The following THSD7B variants were observed in gnomAD, a reference collection of about 807,000 sequenced individuals.
The protein encoded by THSD7B is thrombospondin type 1 domain containing 7B.
THSD7B carries 138 observed loss-of-function variants against 213.6 expected under a neutral mutation model. That is an observed-to-expected ratio of 0.65 (90% CI 0.56 to 0.74). The LOEUF (loss-of-function observed/expected upper bound fraction) is 0.74, where lower values mean the gene tolerates loss of function less well. Ranked by LOEUF, THSD7B falls within the 30% of genes least tolerant of loss-of-function variation. THSD7B has a pLI of 0.00. For synonymous variants in THSD7B, 742 were observed against 687.0 expected, an observed-to-expected ratio of 1.08 and a Z score of -1.25; for missense variants, 1,931 against 1,991.5, an observed-to-expected ratio of 0.97 and a Z score of 0.58.
chr2:136,828,342 A>C (rs1478837425), intron 1 of THSD7B, among the ~76,000 whole-genome samples: 1 of 151,602 alleles, frequency 6.6e-6, no homozygotes, highest in Non-Finnish European at 1.5e-5. Flanking sequence ...TCTTTCCTAC[A>C]CCCATATCCG....
chr2:137,334,868 A>G (rs1480756866), intron 12 of THSD7B, among the ~76,000 whole-genome samples: 1 of 152,140 alleles, frequency 6.6e-6, no homozygotes, highest in African/African-American at 2.4e-5. Context: ...TTATGGGAGC[A>G]GTTCCCCCAT....
chr2:136,898,087 C>A (rs1000052053), intron 2 of THSD7B, among the ~76,000 whole-genome samples: 1 of 152,224 alleles, frequency 6.6e-6, no homozygotes, highest in Non-Finnish European at 1.5e-5. Flanking sequence ...CATTTACAGT[C>A]CTCTAGCTAG....
At chr2:137,620,138 GT>G (rs1166164279) in intron 19 of THSD7B, among the ~76,000 whole-genome samples, 1 of 152,190 alleles carries the variant, frequency 6.6e-6, no homozygotes, top group Non-Finnish European at 1.5e-5. Flanking sequence ...GACCATGATT[GT>G]TTTTAGCCCA....
At chr2:137,150,012 C>T (rs530145672) in intron 5 of THSD7B, among the ~76,000 whole-genome samples, 20 of 152,100 alleles carry the variant, frequency 1.3e-4, no homozygotes, top group South Asian at 1.2e-3. Flanking sequence ...GAGGCCGAGG[C>T]GGGCAGATCA....
At chr2:137,470,293 A>G (rs934229802) in intron 15 of THSD7B, among the ~76,000 whole-genome samples, 2 of 152,204 alleles carry the variant, frequency 1.3e-5, no homozygotes, top group African/African-American at 4.8e-5. Context: ...CAGACCAGGT[A>G]AATGTTCTAA....
intron 18 of THSD7B, among the ~76,000 whole-genome samples, chr2:137,617,764 G>A (rs1682433984): frequency 2.0e-5 from 3 of 152,064 alleles, no homozygotes; most frequent in African/African-American, 4.8e-5. Context: ...AAATCAAGGT[G>A]CTACTAGATT....
At chr2:137,197,270 C>G (rs931248216) in intron 7 of THSD7B, among the ~76,000 whole-genome samples, 6 of 152,100 alleles carry the variant, frequency 3.9e-5, no homozygotes, top group African/African-American at 1.4e-4. Context: ...CTTATGTACA[C>G]AGCAGAGAGA....
chr2:137,352,920 A>G (rs1336450422), intron 12 of THSD7B, among the ~76,000 whole-genome samples: 1 of 151,988 alleles, frequency 6.6e-6, no homozygotes, highest in African/African-American at 2.4e-5. Context: ...TATATAATGC[A>G]TTTCTAACAG....
chr2:136,952,226 AG>A (rs1685049381), intron 2 of THSD7B, among the ~76,000 whole-genome samples: 1 of 152,084 alleles, frequency 6.6e-6, no homozygotes, highest in African/African-American at 2.4e-5. Flanking sequence ...CCCCCAAAAA[AG>A]CACATATATT....
chr2:137,511,243 A>T (rs1457343953), intron 15 of THSD7B, among the ~76,000 whole-genome samples: 1 of 151,798 alleles, frequency 6.6e-6, no homozygotes, highest in Non-Finnish European at 1.5e-5. Context: ...TAAATTCGAG[A>T]ATATTTGGAA....
At position 136,916,962 on chromosome 2, in the gene THSD7B, T is replaced by G. The variant is rs150651800; in HGVS notation, c.139+34645T>G. 4.6e-5 allele frequency among the ~76,000 whole-genome samples: 7 copies of G among 152,314 alleles called. No homozygotes were observed. The East Asian group carries it at 1.4e-3, about 29-fold the overall frequency. ...AATACACAATTAGAGCCACTCAGCC[T>G]ATGTTAAAGACAGCATTATTATGAG... On this transcript the variant is annotated intron_variant, in intron 2 of 27. Coordinates refer to ENST00000409968, the MANE Select transcript of THSD7B (RefSeq NM_001316349.2).
At chr2:137,156,913 G>A (rs1679921589) in intron 5 of THSD7B, among the ~76,000 whole-genome samples, 1 of 152,154 alleles carries the variant, frequency 6.6e-6, no homozygotes, top group African/African-American at 2.4e-5. Flanking sequence ...GAGGGGCTTA[G>A]AGTATCTTCT....
intron 2 of THSD7B, among the ~76,000 whole-genome samples, chr2:136,889,452 C>T (rs927612059): frequency 6.6e-6 from 1 of 152,196 alleles, no homozygotes; most frequent in Non-Finnish European, 1.5e-5. Context: ...CTACTCCTCT[C>T]CTCCTTACTA....
At chr2:137,579,536 G>GCA (rs1162131714) in intron 17 of THSD7B, among the ~76,000 whole-genome samples, 1 of 122,696 alleles carries the variant, frequency 8.2e-6, no homozygotes, top group African/African-American at 3.1e-5. Context: ...ACACGCGCGT[G>GCA]CGCACACACA....
At chr2:136,999,916 G>A (rs1009877204) in intron 2 of THSD7B, among the ~76,000 whole-genome samples, 1 of 152,042 alleles carries the variant, frequency 6.6e-6, no homozygotes, top group Non-Finnish European at 1.5e-5. Flanking sequence ...GAGCAGTTAG[G>A]GTTCCAAATT....
chr2:137,312,173 A>G (rs1683931445), intron 12 of THSD7B, among the ~76,000 whole-genome samples: 1 of 152,264 alleles, frequency 6.6e-6, no homozygotes, highest in Middle Eastern at 3.4e-3. Context: ...GATTATTGCC[A>G]CAATTTCAGC....
chr2:137,627,673 A>G (rs1431790691), intron 20 of THSD7B, among the ~76,000 whole-genome samples: 1 of 152,226 alleles, frequency 6.6e-6, no homozygotes, highest in Non-Finnish European at 1.5e-5. Flanking sequence ...GAGAGGGCAG[A>G]GCCAAAAACT....
chr2:137,101,383 G>A (rs1023341515), intron 4 of THSD7B, among the ~76,000 whole-genome samples: 2 of 152,190 alleles, frequency 1.3e-5, no homozygotes, highest in Non-Finnish European at 2.9e-5. Context: ...TCTTCACATA[G>A]TAGGTATTTA....
chr2:136,923,420 G>A (rs1684469579), intron 2 of THSD7B, among the ~76,000 whole-genome samples: 1 of 152,166 alleles, frequency 6.6e-6, no homozygotes, highest in East Asian at 1.9e-4. Flanking sequence ...TGAGTGTGCA[G>A]ATACCTTTTC....
Sources: allele counts gnomAD v4.1 joint callset (sites outside exome capture counted in the v4.1 genomes callset), GRCh38; gene constraint gnomAD v4.1.1; transcripts MANE v1.5; gene names NCBI Gene and HGNC (gene_info 2026-07-23, HGNC 2026-07-21).